SVEP1: variants seen among roughly 807,000 people sequenced by gnomAD.
The protein encoded by SVEP1 is sushi, von Willebrand factor type A, EGF and pentraxin domain containing 1.
SVEP1 carries 164 observed loss-of-function variants against 367.3 expected under a neutral mutation model. The observed-to-expected ratio is 0.45, with a 90% CI of 0.39 to 0.51. The LOEUF is 0.51. SVEP1 is among the 20% of genes least tolerant of loss of function. The pLI is 0.00. For missense variants in SVEP1, 4,117 were observed against 4,425.3 expected (o/e 0.93, Z 1.98); for synonymous variants, 1,666 against 1,611.6 (o/e 1.03, Z -0.81).
At chr9:110,507,388 C>T (rs1214817026) in intron 5 of SVEP1, among the ~76,000 whole-genome samples, 1 of 152,210 alleles carries the variant, frequency 6.6e-6, no homozygotes, top group African/African-American at 2.4e-5. Context: ...TGTTCAAGTG[C>T]ATATTCAATT....
chr9:110,473,241 A>T (rs1448126825), intron 14 of SVEP1, among the ~76,000 whole-genome samples: 2 of 152,188 alleles, frequency 1.3e-5, no homozygotes, highest in African/African-American at 4.8e-5. Flanking sequence ...ATTAACTGGG[A>T]TTAATATCAT....
intron 6 of SVEP1, among the ~76,000 whole-genome samples, chr9:110,502,390 C>A (rs1829548251): frequency 6.6e-6 from 1 of 152,052 alleles, no homozygotes; most frequent in African/African-American, 2.4e-5. Context: ...GCGTGAGCCA[C>A]CTTGCCCGGC....
rs1829458212 is a variant in SVEP1 at position 110,496,911 on chromosome 9, G to C, written c.1704C>G (p.Asn568Lys). 6.5e-7 allele frequency: 1 copy of C among 1,547,388 alleles called. No individual in the cohort carries two copies. The highest frequency in any genetic ancestry group is 2.0e-5 in the Admixed American group (1 of 50,830). ...VCKDVEAPQI[N>K]CPKDIEAKTL... ...TCTTAGCCTCTATGTCCTTAGGACA[G>C]TTGATTTGAGGAGCCTCCACGTCTA... The change falls in exon 8 of 48, where the codon AAC becomes AAG. Residue 568 changes from asparagine (N) to lysine (K), a missense_variant. By Grantham distance (94) the Asn-to-Lys change is moderately conservative. Transcript: ENST00000374469.
intron 14 of SVEP1, among the ~76,000 whole-genome samples, chr9:110,475,147 T>C (rs1829080103): frequency 6.6e-6 from 1 of 152,086 alleles, no homozygotes; most frequent in South Asian, 2.1e-4. Context: ...AATAAACATA[T>C]GCACAAATGA....
intron 46 of SVEP1, among the ~76,000 whole-genome samples, chr9:110,370,508 G>A (rs1827260085): frequency 6.6e-6 from 1 of 152,118 alleles, no homozygotes; most frequent in Non-Finnish European, 1.5e-5. Context: ...TAATAAATTA[G>A]GCACATGGAT....
intron 5 of SVEP1, among the ~76,000 whole-genome samples, chr9:110,505,365 T>A (rs1181689583): frequency 2.0e-5 from 3 of 152,182 alleles, no homozygotes; most frequent in Non-Finnish European, 4.4e-5. Flanking sequence ...TCTATAGTTA[T>A]CCCTCATCCA....
At chr9:110,372,601 A>C (rs551278289) in intron 46 of SVEP1, among the ~76,000 whole-genome samples, 2 of 152,250 alleles carry the variant, frequency 1.3e-5, no homozygotes, top group Non-Finnish European at 2.9e-5. Context: ...ATGGAATGTT[A>C]GAAAGTAGAT....
chr9:110,527,053 T>C (rs542113223), intron 3 of SVEP1, among the ~76,000 whole-genome samples: 2 of 152,180 alleles, frequency 1.3e-5, no homozygotes, highest in African/African-American at 4.8e-5. Context: ...TGGTGGGAAG[T>C]GACTGTGGCT....
intron 5 of SVEP1, 62 bp downstream of exon 5, chr9:110,512,864 G>T: frequency 6.3e-7 from 1 of 1,584,512 alleles, no homozygotes; most frequent in Non-Finnish European, 8.7e-7. Flanking sequence ...GTTTACTAGA[G>T]TTTAAATCAA....
At chr9:110,425,641 T>C (rs1363993414) in intron 36 of SVEP1, among the ~76,000 whole-genome samples, 1 of 152,258 alleles carries the variant, frequency 6.6e-6, no homozygotes, top group East Asian at 1.9e-4. Flanking sequence ...GATTTTTTAA[T>C]CGTTTTCATA....
chr9:110,375,863 T>C (rs1404473097), intron 45 of SVEP1, among the ~76,000 whole-genome samples: 1 of 152,228 alleles, frequency 6.6e-6, no homozygotes, highest in East Asian at 1.9e-4. Flanking sequence ...AGGCTCTTCC[T>C]GTCTTGAACT....
At chr9:110,452,901 A>G (rs995803598) in intron 22 of SVEP1, among the ~76,000 whole-genome samples, 3 of 152,200 alleles carry the variant, frequency 2.0e-5, no homozygotes, top group Non-Finnish European at 2.9e-5. Context: ...CTATATATAA[A>G]CTTTCAAATT....
intron 9 of SVEP1, among the ~76,000 whole-genome samples, chr9:110,485,238 G>A (rs900879899): frequency 1.3e-5 from 2 of 152,186 alleles, no homozygotes; most frequent in Admixed American, 1.3e-4. Flanking sequence ...TAGACACCAT[G>A]GAATACTATG....
rs5899902 is a variant in SVEP1 at position 110,517,751 on chromosome 9, TAAAAAAA to T, written c.965-3652_965-3646del. ...GATGATAGACCAAGAACCTGGCTCT[TAAAAAAA>T]AAAAAAAAAAAAAAAAAAGCCATAC... is the stretch of plus-strand genomic sequence containing the variant. On this transcript the variant is annotated intron_variant, in intron 3 of 47. Coordinates refer to ENST00000374469, the MANE Select transcript of SVEP1 (RefSeq NM_153366.4). Among the ~76,000 whole-genome samples, 106 of 50,536 alleles carry T rather than the reference TAAAAAAA, an allele frequency of 2.1e-3. 1 individual carries two copies. The highest frequency in any genetic ancestry group is 8.3e-3 in the African/African-American group (101 of 12,174). The allele number at this position is 50,536 out of a possible 152,430, so 33.2% of individuals were successfully genotyped here.
At chr9:110,436,152 T>C (rs1828428036) in intron 28 of SVEP1, among the ~76,000 whole-genome samples, 1 of 151,932 alleles carries the variant, frequency 6.6e-6, no homozygotes, top group South Asian at 2.1e-4. Flanking sequence ...AAATAATGTT[T>C]TCCAATAAAA....
intron 5 of SVEP1, among the ~76,000 whole-genome samples, chr9:110,508,994 T>A (rs575962420): frequency 6.6e-6 from 1 of 152,248 alleles, no homozygotes; most frequent in Admixed American, 6.5e-5. Flanking sequence ...TGAGAAAGTA[T>A]AATATAACTA....
At chr9:110,520,488 C>T (rs901101307) in intron 3 of SVEP1, among the ~76,000 whole-genome samples, 1 of 152,062 alleles carries the variant, frequency 6.6e-6, no homozygotes, top group Non-Finnish European at 1.5e-5. Context: ...AACATCTTGG[C>T]GGTTATCAGC....
At position 110,408,352 on chromosome 9, in the gene SVEP1, T is replaced by G. The variant is rs1397665054; in HGVS notation, c.7248A>C (p.Gly2416=). 6.2e-7 allele frequency: 1 copy of G among 1,613,786 alleles called. No homozygotes were observed. The highest frequency in any genetic ancestry group is 8.5e-7 in the Non-Finnish European group (1 of 1,179,868). ...CAGGTTGGCAGAGGGTGGTAGAATTTCCTCTTAGGAAAAACCCACCTACAC... is the reference window on the plus strand; with the variant it reads ...CAGGTTGGCAGAGGGTGGTAGAATTGCCTCTTAGGAAAAACCCACCTACAC... The part of the protein sequence containing the change: ...YSCVGGFFLR[G]NSTTLCQPDG... Residue 2416 remains glycine, a synonymous_variant, in exon 38 of 48, where the codon GGA becomes GGC. Transcript: ENST00000374469.
intron 39 of SVEP1, among the ~76,000 whole-genome samples, chr9:110,403,305 T>TTTTTG (rs1827895903): frequency 7.8e-6 from 1 of 128,346 alleles, no homozygotes. Context: ...CGTTTTTTTT[T>TTTTTG]TTTTTTTTTT....
Sources: gnomAD v4.1 joint callset for allele counts (sites outside exome capture counted in the v4.1 genomes callset) on GRCh38, gnomAD v4.1.1 for gene constraint, MANE v1.5 for transcripts, NCBI Gene and HGNC (gene_info 2026-07-23, HGNC 2026-07-21) for gene names.